The following AKAP13 variants were observed in gnomAD, a reference collection of about 807,000 sequenced individuals.
AKAP13 encodes A-kinase anchoring protein 13.
A neutral mutation model predicts 264.5 loss-of-function variants in AKAP13; 80 were observed. The ratio of observed to expected loss-of-function variants is 0.30; its 90% CI spans 0.25 to 0.36. AKAP13 has a LOEUF of 0.36. Among genes scored for constraint, AKAP13 ranks in the 10% least tolerant of loss-of-function variants. The pLI is 1.00. For synonymous variants in AKAP13, 1,380 were observed against 1,250.2 expected (o/e 1.10, Z -2.19); for missense variants, 3,712 against 3,435.2 (o/e 1.08, Z -2.01).
intron 1 of AKAP13, among the ~76,000 whole-genome samples, chr15:85,466,841 T>C (rs187046315): frequency 6.6e-6 from 1 of 152,326 alleles, no homozygotes; most frequent in East Asian, 1.9e-4. Context: ...GATCCTTTGA[T>C]CTTTTTCCTG....
intron 4 of AKAP13, chr15:85,536,338 T>C (rs1010041668): frequency 6.6e-6 from 1 of 152,242 alleles, no homozygotes; most frequent in Non-Finnish European, 1.5e-5. Context: ...TACCAAGTGC[T>C]GGCAAAGATG....
At chr15:85,417,166 A>G (rs918294733) in intron 1 of AKAP13, among the ~76,000 whole-genome samples, 1 of 152,130 alleles carries the variant, frequency 6.6e-6, no homozygotes, top group African/African-American at 2.4e-5. Context: ...ATTGTTTGAT[A>G]TTAAGTTTTG....
intron 19 of AKAP13, among the ~76,000 whole-genome samples, chr15:85,714,782 C>T (rs577762704): frequency 1.3e-5 from 2 of 152,226 alleles, no homozygotes; most frequent in South Asian, 2.1e-4. Context: ...GTCTGGCCAA[C>T]GTAGTGAAAC....
intron 10 of AKAP13, among the ~76,000 whole-genome samples, chr15:85,646,774 C>G (rs1415767136): frequency 6.6e-6 from 1 of 152,128 alleles, no homozygotes; most frequent in Non-Finnish European, 1.5e-5. Context: ...TGAATCAGCT[C>G]ACATTTGCAT....
Position 85,727,513 on chromosome 15 carries a change from G to A in AKAP13, c.7087+50G>A. 6.3e-7 allele frequency: 1 copy of A among 1,591,904 alleles called. No individual in the cohort carries two copies. The highest frequency in any genetic ancestry group is 1.1e-5 in the South Asian group (1 of 90,084). On this transcript the variant is annotated intron_variant, in intron 29 of 36. Transcript: ENST00000394518. This position sits in a 1 kb window ranked among gnomAD's most constrained non-coding sequence, Gnocchi z 5.3. ...CCCCTTGTCTGGAATGTCTGCAGTTGCAGAAGACTGCTGGTGGATTTTAGA... is the reference window on the plus strand; with the variant it reads ...CCCCTTGTCTGGAATGTCTGCAGTTACAGAAGACTGCTGGTGGATTTTAGA...
In AKAP13 at chr15:85,650,755, C is replaced by CAAAAAAAAAAAAAAAAAAAAAAAAAAAAA. The variant is rs66624781; in HGVS notation, c.4375-4655_4375-4627dup. Among the ~76,000 whole-genome samples the CAAAAAAAAAAAAAAAAAAAAAAAAAAAAA allele has an allele frequency of 4.3e-4, 14 of 32,620 alleles. 3 individuals are homozygous for CAAAAAAAAAAAAAAAAAAAAAAAAAAAAA. Among genetic ancestry groups the CAAAAAAAAAAAAAAAAAAAAAAAAAAAAA allele is most frequent in the Non-Finnish European group, 7.5e-4 (12 of 16,020 alleles). 21.4% of individuals were successfully genotyped at this position (32,620 alleles called of 152,430 possible). A position where few individuals can be genotyped will look rare whatever the true frequency, so the allele number is the denominator to read the frequency against. ...TGGGCAACAGAGTGAGACTCCATCT[C>CAAAAAAAAAAAAAAAAAAAAAAAAAAAAA]AAAAAAAAAAAAAAAAAAAAAAAAA... On this transcript the variant is annotated intron_variant, in intron 10 of 36. Coordinates refer to ENST00000394518, the MANE Select transcript of AKAP13 (RefSeq NM_007200.5).
At chr15:85,682,994 A>G (rs1334785607) in intron 15 of AKAP13, among the ~76,000 whole-genome samples, 2 of 151,676 alleles carry the variant, frequency 1.3e-5, no homozygotes, top group Non-Finnish European at 2.9e-5. Flanking sequence ...TTCTGTTCTG[A>G]CTCATTATTT....
intron 7 of AKAP13, among the ~76,000 whole-genome samples, chr15:85,585,098 C>T (rs771232835): frequency 6.6e-6 from 1 of 152,128 alleles, no homozygotes; most frequent in African/African-American, 2.4e-5. Flanking sequence ...AAACGTTTCT[C>T]TTAAGAAAGG....
chr15:85,643,970 A>T (rs2082427636), intron 9 of AKAP13, among the ~76,000 whole-genome samples: 1 of 152,142 alleles, frequency 6.6e-6, no homozygotes, highest in Non-Finnish European at 1.5e-5. Flanking sequence ...CCCGTTTTGG[A>T]TGCCCGTGTA....
At chr15:85,572,838 G>C (rs754533325) in intron 5 of AKAP13, among the ~76,000 whole-genome samples, 2 of 152,006 alleles carry the variant, frequency 1.3e-5, no homozygotes, top group Admixed American at 1.3e-4. Flanking sequence ...CCACCTGACC[G>C]ACCCCGGTGT....
chr15:85,478,315 C>T (rs113307683), intron 1 of AKAP13, among the ~76,000 whole-genome samples: 9 of 151,180 alleles, frequency 6.0e-5, no homozygotes, highest in African/African-American at 1.7e-4. Flanking sequence ...AACCTAAACA[C>T]GGAAAAGATT....
At chr15:85,573,181 G>A (rs2078883321) in intron 5 of AKAP13, among the ~76,000 whole-genome samples, 1 of 152,094 alleles carries the variant, frequency 6.6e-6, no homozygotes, top group African/African-American at 2.4e-5. Flanking sequence ...TAACTCTTTA[G>A]TTTCTTCTAT....
intron 8 of AKAP13, among the ~76,000 whole-genome samples, chr15:85,613,691 A>AAAAAAAATAT (rs1313187436): frequency 2.4e-4 from 22 of 91,964 alleles, no homozygotes; most frequent in South Asian, 7.3e-4. Context: ...AAAAAAAAAA[A>AAAAAAAATAT]ATATATATAT....
chr15:85,639,911 T>A (rs2082231853), intron 9 of AKAP13, among the ~76,000 whole-genome samples: 1 of 152,204 alleles, frequency 6.6e-6, no homozygotes, highest in Admixed American at 6.5e-5. Context: ...CTCCTTTGAT[T>A]ACCCTGCTGT....
chr15:85,734,726 C>T (rs1567221088), intron 30 of AKAP13, among the ~76,000 whole-genome samples: 1 of 152,222 alleles, frequency 6.6e-6, no homozygotes, highest in Non-Finnish European at 1.5e-5. Flanking sequence ...CATGTCACTT[C>T]TAGTAAATTA....
chr15:85,440,684 T>G (rs1021195891), intron 1 of AKAP13, among the ~76,000 whole-genome samples: 33 of 152,314 alleles, frequency 2.2e-4, no homozygotes, highest in African/African-American at 7.7e-4. Context: ...GGGCGTTGCA[T>G]CAAGTTCTCT....
At chr15:85,632,235 T>A (rs1266357270) in intron 8 of AKAP13, among the ~76,000 whole-genome samples, 1 of 152,116 alleles carries the variant, frequency 6.6e-6, no homozygotes, top group Non-Finnish European at 1.5e-5. Context: ...CAGCATCACC[T>A]TCTCGTTGGT....
chr15:85,672,106 A>G (rs567669536), intron 14 of AKAP13, among the ~76,000 whole-genome samples: 54 of 152,282 alleles, frequency 3.5e-4, no homozygotes, highest in South Asian at 2.9e-3. Context: ...TTTCTGCTCA[A>G]CTCACCTAGG....
chr15:85,399,659 C>T (rs2071329938), intron 1 of AKAP13, among the ~76,000 whole-genome samples: 1 of 151,446 alleles, frequency 6.6e-6, no homozygotes. Flanking sequence ...TATGAAGAAA[C>T]TCACGAAGCA....
Sources: allele counts gnomAD v4.1 joint callset (sites outside exome capture counted in the v4.1 genomes callset), GRCh38; gene constraint gnomAD v4.1.1; non-coding constraint Gnocchi (gnomAD v3.1); transcripts MANE v1.5; gene names NCBI Gene and HGNC (gene_info 2026-07-23, HGNC 2026-07-21).